The following IMMP2L variants were observed in gnomAD, a reference collection of about 807,000 sequenced individuals.
IMMP2L encodes inner mitochondrial membrane peptidase subunit 2.
IMMP2L carries 18 observed loss-of-function variants against 19.3 expected under a neutral mutation model. That is an observed-to-expected ratio of 0.93 (90% CI 0.64 to 1.38). The LOEUF is 1.38. IMMP2L is among the 40% of genes most tolerant of loss of function. IMMP2L has a pLI of 0.00. For synonymous variants in IMMP2L, 76 were observed against 73.0 expected, an observed-to-expected ratio of 1.04 and a Z score of -0.21; for missense variants, 233 against 218.2, an observed-to-expected ratio of 1.07 and a Z score of -0.43.
At chr7:110,700,437 T>G (rs1046073243) in intron 5 of IMMP2L, among the ~76,000 whole-genome samples, 1 of 152,166 alleles carries the variant, frequency 6.6e-6, no homozygotes, top group Non-Finnish European at 1.5e-5. Flanking sequence ...TTGGTGAATC[T>G]CATTTTTCCA....
At chr7:110,955,506 T>C (rs1052981990) in intron 4 of IMMP2L, among the ~76,000 whole-genome samples, 7 of 151,810 alleles carry the variant, frequency 4.6e-5, no homozygotes, top group South Asian at 4.1e-4. Flanking sequence ...AACAGCAGCA[T>C]CGGTCAGACC....
At chr7:111,388,001 T>TAAAAAAAAAAAAAAAAAAAA (rs1831956678) in intron 3 of IMMP2L, among the ~76,000 whole-genome samples, 1 of 122,770 alleles carries the variant, frequency 8.1e-6, no homozygotes, top group African/African-American at 3.3e-5. Flanking sequence ...AAAAAAAAAC[T>TAAAAAAAAAAAAAAAAAAAA]AAAATACTAA....
At chr7:111,160,585 CTT>C (rs1279501067) in intron 3 of IMMP2L, among the ~76,000 whole-genome samples, 1 of 151,410 alleles carries the variant, frequency 6.6e-6, no homozygotes, top group African/African-American at 2.4e-5. Context: ...AGTTTAATGA[CTT>C]AAATTTTTAT....
chr7:111,062,853 C>A (rs1794146239), intron 3 of IMMP2L, among the ~76,000 whole-genome samples: 1 of 152,236 alleles, frequency 6.6e-6, no homozygotes, highest in Non-Finnish European at 1.5e-5. Flanking sequence ...TGGTCTTGGA[C>A]AGCTCTGCCC....
intron 3 of IMMP2L, among the ~76,000 whole-genome samples, chr7:111,144,481 A>T (rs1293095221): frequency 1.3e-5 from 2 of 152,146 alleles, no homozygotes. Flanking sequence ...CATAATGCTC[A>T]TTGGTACAGT....
chr7:110,978,111 C>A (rs951477969), intron 3 of IMMP2L, among the ~76,000 whole-genome samples: 1 of 151,944 alleles, frequency 6.6e-6, no homozygotes, highest in Non-Finnish European at 1.5e-5. Flanking sequence ...AAAGAAAGCA[C>A]AATTTAAAAA....
intron 4 of IMMP2L, among the ~76,000 whole-genome samples, chr7:110,953,912 T>A (rs144757823): frequency 6.6e-6 from 1 of 152,170 alleles, no homozygotes; most frequent in Non-Finnish European, 1.5e-5. Context: ...ATTTCTCTGA[T>A]GACCAGTGAT....
chr7:111,062,275 T>G (rs946686509), intron 3 of IMMP2L, among the ~76,000 whole-genome samples: 2 of 152,154 alleles, frequency 1.3e-5, no homozygotes, highest in African/African-American at 4.8e-5. Context: ...AGGGAGCTTG[T>G]AAAGGGAAAC....
At chr7:110,981,798 A>G (rs1475456280) in intron 3 of IMMP2L, among the ~76,000 whole-genome samples, 1 of 152,096 alleles carries the variant, frequency 6.6e-6, no homozygotes, top group Non-Finnish European at 1.5e-5. Flanking sequence ...GTCCTCTTCC[A>G]CTTCTGCTGC....
intron 4 of IMMP2L, among the ~76,000 whole-genome samples, chr7:110,944,073 T>C (rs1357706046): frequency 6.6e-6 from 1 of 152,006 alleles, no homozygotes; most frequent in African/African-American, 2.4e-5. Context: ...TTTATAAATA[T>C]TGCAGAGAGC....
chr7:110,862,213 A>AT (rs199690561), intron 5 of IMMP2L, among the ~76,000 whole-genome samples: 15 of 151,364 alleles, frequency 9.9e-5, no homozygotes, highest in Admixed American at 2.0e-4. Context: ...TTTAAAGTCA[A>AT]TTTTTTTTAA....
chr7:110,898,543 A>G (rs897816838), intron 4 of IMMP2L, among the ~76,000 whole-genome samples: 2 of 152,182 alleles, frequency 1.3e-5, no homozygotes, highest in Non-Finnish European at 2.9e-5. Context: ...AGAAGTCTAA[A>G]AAGTTTGCTA....
chr7:111,069,972 G>A (rs1405455467), intron 3 of IMMP2L, among the ~76,000 whole-genome samples: 2 of 152,090 alleles, frequency 1.3e-5, no homozygotes, highest in East Asian at 3.8e-4. Flanking sequence ...TTCACATCCA[G>A]GGTGCCCTCC....
chr7:110,808,143 G>A (rs944286562), intron 5 of IMMP2L, among the ~76,000 whole-genome samples: 1 of 151,980 alleles, frequency 6.6e-6, no homozygotes, highest in African/African-American at 2.4e-5. Flanking sequence ...CTCAGTGTCT[G>A]CTTAAAATAC....
intron 5 of IMMP2L, among the ~76,000 whole-genome samples, chr7:110,729,359 G>T (rs1429545300): frequency 2.6e-5 from 4 of 152,190 alleles, no homozygotes; most frequent in Non-Finnish European, 5.9e-5. Flanking sequence ...GCAGGAGACA[G>T]ACAGCGCATG....
intron 3 of IMMP2L, among the ~76,000 whole-genome samples, chr7:111,282,862 C>G (rs894830695): frequency 1.1e-4 from 17 of 152,158 alleles, no homozygotes; most frequent in Non-Finnish European, 1.9e-4. Flanking sequence ...GGATTATAGG[C>G]ATGAGACACC....
intron 3 of IMMP2L, among the ~76,000 whole-genome samples, chr7:111,204,028 A>G (rs1009327218): frequency 1.3e-5 from 2 of 152,152 alleles, no homozygotes; most frequent in African/African-American, 2.4e-5. Context: ...AACCATCCCA[A>G]TGTACACTCA....
intron 3 of IMMP2L, among the ~76,000 whole-genome samples, chr7:111,377,353 G>C (rs1025023445): frequency 6.6e-6 from 1 of 151,786 alleles, no homozygotes; most frequent in African/African-American, 2.4e-5. Context: ...CTATAGTACA[G>C]CTCTATAGTA....
intron 5 of IMMP2L, among the ~76,000 whole-genome samples, chr7:110,717,004 A>C (rs549892426): frequency 6.6e-6 from 1 of 152,328 alleles, no homozygotes; most frequent in Admixed American, 6.5e-5. Flanking sequence ...GGAATGAAGA[A>C]ATATCTGAAT....
Sources: allele counts gnomAD v4.1 joint callset (sites outside exome capture counted in the v4.1 genomes callset), GRCh38; gene constraint gnomAD v4.1.1; transcripts MANE v1.5; gene names NCBI Gene and HGNC (gene_info 2026-07-23, HGNC 2026-07-21).